TENM1: variants seen among roughly 807,000 people sequenced by gnomAD.
TENM1 encodes the protein teneurin transmembrane protein 1, also known as teneurin-1.
Under a neutral mutation model 174.8 loss-of-function variants are expected in TENM1, and 35 were observed. The observed-to-expected ratio is 0.20, with a 90% CI of 0.15 to 0.27. TENM1 has a LOEUF of 0.27. Among genes scored for constraint, TENM1 ranks in the 10% least tolerant of loss-of-function variants. The probability of loss-of-function intolerance (pLI) is 1.00; values close to 1 mark genes in which losing one functional copy is unlikely to be tolerated. For synonymous variants in TENM1, 781 were observed against 798.7 expected (o/e 0.98, Z 0.37); for missense variants, 1,633 against 2,130.1 (o/e 0.77, Z 4.59).
intron 1 of TENM1, among the ~76,000 whole-genome samples, chrX:124,903,738 GA>G (rs1393533243): frequency 2.7e-5 from 3 of 111,820 alleles, no homozygotes; most frequent in African/African-American, 9.7e-5. Flanking sequence ...TCAGGGACTA[GA>G]AAAGATGGTG....
chrX:124,482,063 A>T, intron 21 of TENM1, 99 bp from the exon 25 acceptor site: 1 of 483,403 alleles, frequency 2.1e-6, no homozygotes, highest in East Asian at 3.6e-5. Flanking sequence ...TTGATAGATG[A>T]GTGAATTCAT....
At chrX:124,935,745 G>C (rs1308647330) in intron 1 of TENM1, among the ~76,000 whole-genome samples, 1 of 112,279 alleles carries the variant, frequency 8.9e-6, no homozygotes. Context: ...TATATTCTTA[G>C]ATGTCTCATG....
the TENM1 span, among the ~76,000 whole-genome samples, chrX:125,114,591 T>C: frequency 0.24 from 26,091 of 109,479 alleles, 4,692 homozygotes; most frequent in African/African-American, 0.62. Context: ...AAACTACCAT[T>C]AGAGAATACT....
intron 1 of TENM1, among the ~76,000 whole-genome samples, chrX:124,945,064 T>C (rs2058382051): frequency 9.0e-6 from 1 of 110,742 alleles, no homozygotes; most frequent in Non-Finnish European, 1.9e-5. Context: ...GGAAAACAAA[T>C]GTGTTGGAGG....
chrX:124,421,450 G>T (rs57146663), intron 24 of TENM1, among the ~76,000 whole-genome samples: 1 of 111,880 alleles, frequency 8.9e-6, no homozygotes, highest in African/African-American at 3.3e-5. Context: ...TCTGGCCTAA[G>T]GAAAGGCAAA....
At chrX:125,027,641 G>C in the TENM1 span, among the ~76,000 whole-genome samples, 2 of 94,980 alleles carry the variant, frequency 2.1e-5, no homozygotes, top group African/African-American at 7.9e-5. Context: ...TTGAGACGGA[G>C]TCTCGCTCTG....
At chrX:124,971,521 T>C in the TENM1 span, among the ~76,000 whole-genome samples, 8 of 111,797 alleles carry the variant, frequency 7.2e-5, no homozygotes, top group African/African-American at 2.6e-4. Flanking sequence ...CATTCCCCAA[T>C]TGTTGGCTAT....
intron 22 of TENM1, among the ~76,000 whole-genome samples, chrX:124,472,439 A>G (rs1484506226): frequency 9.8e-6 from 1 of 102,319 alleles, no homozygotes; most frequent in Non-Finnish European, 2.0e-5. Flanking sequence ...TGTTGCATAT[A>G]ACTTATGTCA....
At chrX:124,398,189 C>T (rs1255967057) in intron 27 of TENM1, among the ~76,000 whole-genome samples, 1 of 108,094 alleles carries the variant, frequency 9.3e-6, no homozygotes, top group East Asian at 3.0e-4. Context: ...GATCGCGCCA[C>T]TGCCCTCCAG....
chrX:125,070,433 G>A, the TENM1 span, among the ~76,000 whole-genome samples: 22 of 110,759 alleles, frequency 2.0e-4, no homozygotes, highest in African/African-American at 5.6e-4. Flanking sequence ...TTAGACCTTC[G>A]TTGGATGCAC....
rs181312845 is a variant in TENM1 at position 124,521,581 on chromosome X, T to C, written c.3034-797A>G. On this transcript the variant is annotated intron_variant, in intron 17 of 31. Coordinates refer to ENST00000422452, the Ensembl canonical transcript of TENM1. ...TTAATTGTTATTACTTGTTTGCTTATCACCACAGATAAAGTTAAATAACCA... is the reference window on the plus strand; with the variant it reads ...TTAATTGTTATTACTTGTTTGCTTACCACCACAGATAAAGTTAAATAACCA... 1.5e-4 allele frequency among the ~76,000 whole-genome samples: 17 copies of C among 112,235 alleles called. No individual in the cohort carries two copies. In the East Asian group the frequency reaches 4.7e-3, roughly 31 times the overall value.
intron 3 of TENM1, among the ~76,000 whole-genome samples, chrX:124,755,389 T>TAC (rs1216643188): frequency 1.8e-5 from 2 of 111,419 alleles, no homozygotes; most frequent in Non-Finnish European, 3.8e-5. Flanking sequence ...TGTCTCTGCC[T>TAC]GTGAGATGGG....
In TENM1 at chrX:124,931,610, A is replaced by C. The variant is rs181627177; in HGVS notation, c.217+31927T>G. Among the ~76,000 whole-genome samples, 114 of 111,501 alleles carry C rather than the reference A, an allele frequency of 1.0e-3. 2 individuals are homozygous for C. The highest frequency in any genetic ancestry group is 9.8e-3 in the Admixed American group (103 of 10,484). On this transcript the variant is annotated intron_variant, in intron 1 of 31. Transcript: ENST00000422452. ...CCTCGGCAGGAATGGATGCAGAGTA[A>C]CCACATAAGATTTCACCTAAGTCTT...
the TENM1 span, among the ~76,000 whole-genome samples, chrX:124,969,853 T>G: frequency 5.4e-5 from 6 of 112,101 alleles, no homozygotes; most frequent in South Asian, 2.2e-3. Flanking sequence ...ACTAAGGAGA[T>G]TGGATTATCT....
rs777423787 is a variant in TENM1, at chrX:124,926,747, G to A, written c.218-30506C>T. ...TATGTTATCCAAGCTCATAAACCAA[G>A]TTAATGCTGTACTGGAACTTGAATT... On this transcript the variant is annotated intron_variant, in intron 1 of 31. Transcript: ENST00000422452. Among the ~76,000 whole-genome samples the A allele has an allele frequency of 7.1e-5, 8 of 112,019 alleles. No homozygotes were observed. The South Asian group carries it at 3.0e-3, about 41-fold the overall frequency.
chrX:124,865,259 G>C (rs1443135155), intron 3 of TENM1, among the ~76,000 whole-genome samples: 1 of 111,807 alleles, frequency 8.9e-6, no homozygotes, highest in Non-Finnish European at 1.9e-5. Flanking sequence ...CTTATTCTAA[G>C]TAGAAAGACT....
chrX:124,949,627 T>C (rs935317058), intron 1 of TENM1, among the ~76,000 whole-genome samples: 14 of 111,547 alleles, frequency 1.3e-4, no homozygotes, highest in South Asian at 3.8e-4. Flanking sequence ...GGCTGAGAAG[T>C]ACCTAGCCAA....
In TENM1 at chrX:124,422,702, GA is replaced by G; in HGVS notation, c.4105-65del. 3.9e-6 allele frequency: 4 copies of G among 1,034,975 alleles called. No individual in the cohort carries two copies. In the South Asian group the frequency reaches 9.6e-5, roughly 25 times the overall value. The allele number at this position is 1,034,975 out of a possible 1,213,427, so 85.3% of individuals were successfully genotyped here. A position where few individuals can be genotyped will look rare whatever the true frequency, so the allele number is the denominator to read the frequency against. ...GTCTTTCCATGGACAGTTTTAACTT[GA>G]AAAAAAGAAAAAAAAATTGGTGTAT... On this transcript the variant is annotated intron_variant, in intron 23 of 31. Transcript: ENST00000422452.
chrX:124,508,898 T>C (rs2047513237), intron 18 of TENM1, among the ~76,000 whole-genome samples: 2 of 111,796 alleles, frequency 1.8e-5, no homozygotes, highest in South Asian at 7.6e-4. Context: ...CCTGATCCTC[T>C]GTTGGTATTC....
Sources: gnomAD v4.1 joint callset for allele counts (sites outside exome capture counted in the v4.1 genomes callset) on GRCh38, gnomAD v4.1.1 for gene constraint, MANE v1.5 for transcripts, NCBI Gene and HGNC (gene_info 2026-07-23, HGNC 2026-07-21) for gene names.